Variants in HSPG2 observed in about 807,000 individuals in gnomAD.
HSPG2 encodes the protein heparan sulfate proteoglycan 2, also known as basement membrane-specific heparan sulfate proteoglycan core protein.
HSPG2 carries 278 observed loss-of-function variants against 526.6 expected under a neutral mutation model. The observed-to-expected ratio is 0.53, with a 90% CI of 0.48 to 0.58. The LOEUF (loss-of-function observed/expected upper bound fraction) is 0.58, where lower values mean the gene tolerates loss of function less well. Ranked by LOEUF, HSPG2 falls within the 20% of genes least tolerant of loss-of-function variation. HSPG2 has a pLI of 0.00. For synonymous variants in HSPG2, 2,465 were observed against 2,555.4 expected (o/e 0.96, Z 1.07); for missense variants, 5,354 against 6,099.5 (o/e 0.88, Z 4.07).
At position 21,907,282 on chromosome 1, in the gene HSPG2, C is replaced by T. The variant is rs185232685; in HGVS notation, c.64-10972G>A. On this transcript the variant is annotated intron_variant, in intron 1 of 96. Coordinates refer to ENST00000374695, the MANE Select transcript of HSPG2 (RefSeq NM_005529.7). ...GGCAGGGGCTCACTCCCAGGGCCGGCGACCATGCAGGTAAGGGGGTGCTGG... is the reference window on the plus strand; with the variant it reads ...GGCAGGGGCTCACTCCCAGGGCCGGTGACCATGCAGGTAAGGGGGTGCTGG... Among the ~76,000 whole-genome samples, 303 of 152,294 alleles carry T rather than the reference C, an allele frequency of 2.0e-3. 3 individuals are homozygous for T. In the South Asian group the frequency reaches 0.026, roughly 13 times the overall value.
chr1:21,891,930 G>A (rs1362541333), intron 3 of HSPG2, among the ~76,000 whole-genome samples: 3 of 152,148 alleles, frequency 2.0e-5, no homozygotes, highest in African/African-American at 4.8e-5. Flanking sequence ...TGCTCATTAC[G>A]TTTCACAATA....
rs1157962446 is a variant in HSPG2, at chr1:21,887,906, C to T, written c.703+32G>A. 3 of 1,613,866 alleles carry T rather than the reference C, an allele frequency of 1.9e-6. No individual in the cohort carries two copies. The highest frequency in any genetic ancestry group is 2.5e-6 in the Non-Finnish European group (3 of 1,180,014). ...AGGACCCTGGCCCTCCCCTGGCACC[C>T]AAACCACTCGTGGCCCCGGACATCC... On this transcript the variant is annotated intron_variant, in intron 7 of 96. Transcript: ENST00000374695. The surrounding 1 kb of genome is among the most constrained non-coding windows in gnomAD (Gnocchi z 5.0).
intron 1 of HSPG2, among the ~76,000 whole-genome samples, chr1:21,905,041 CG>C (rs1166762842): frequency 6.6e-6 from 1 of 152,280 alleles, no homozygotes; most frequent in East Asian, 1.9e-4. Flanking sequence ...CTAACAACCA[CG>C]GCCGCTTCCT....
At chr1:21,827,364 C>T (rs2097980861) in intron 91 of HSPG2, among the ~76,000 whole-genome samples, 1 of 152,188 alleles carries the variant, frequency 6.6e-6, no homozygotes, top group African/African-American at 2.4e-5. Context: ...AGGATTTGAA[C>T]CCAAGCAGGC....
intron 33 of HSPG2, among the ~76,000 whole-genome samples, chr1:21,869,905 C>T (rs1640517866): frequency 6.6e-6 from 1 of 152,222 alleles, no homozygotes; most frequent in Non-Finnish European, 1.5e-5. Flanking sequence ...AGAAGCCCTA[C>T]AAAGGGTGCC....
intron 68 of HSPG2, 24 bp downstream of exon 68, chr1:21,842,215 G>A (rs937936718): frequency 6.2e-7 from 1 of 1,612,978 alleles, no homozygotes; most frequent in Admixed American, 1.7e-5. Context: ...TTCCCCCCTT[G>A]CCCATGGCAT....
intron 1 of HSPG2, among the ~76,000 whole-genome samples, chr1:21,901,282 A>G (rs749654716): frequency 3.9e-5 from 6 of 152,106 alleles, no homozygotes; most frequent in African/African-American, 7.2e-5. Flanking sequence ...TAAGTGCTTA[A>G]TAAGCACTAG....
At chr1:21,838,155 A>AAG in intron 74 of HSPG2, among the ~76,000 whole-genome samples, 1 of 134,536 alleles carries the variant, frequency 7.4e-6, no homozygotes, top group African/African-American at 3.4e-5. Flanking sequence ...AAAAAAAAAA[A>AAG]AAAGAAAGAA....
At chr1:21,905,230 T>A (rs980813669) in intron 1 of HSPG2, among the ~76,000 whole-genome samples, 10 of 146,366 alleles carry the variant, frequency 6.8e-5, no homozygotes, top group Admixed American at 6.3e-4. Context: ...TTCTATGTAA[T>A]CTGTCTACAC....
Position 21,850,196 on chromosome 1 carries a change from G to T in HSPG2, c.7295-4C>A. 6.2e-7 allele frequency: 1 copy of T among 1,613,348 alleles called. No individual in the cohort carries two copies. On this transcript the variant is annotated splice_polypyrimidine_tract_variant and splice_region_variant and intron_variant, in intron 56 of 96. Coordinates refer to ENST00000374695, the MANE Select transcript of HSPG2 (RefSeq NM_005529.7). ...ACCGTGGGGGTGACCCCAAGTGCTG[G>T]GGACAGAGGGCAAAGGGTCAATAGC...
In HSPG2 at chr1:21,848,111, C is replaced by T. The variant is rs750219828; in HGVS notation, c.7738-18G>A. 1.3e-5 allele frequency: 20 copies of T among 1,567,638 alleles called. No homozygotes were observed. In the South Asian group the frequency reaches 2.2e-4, roughly 17 times the overall value. ...CCCACGATCTGCAGGAAGCAGATGGCAGGAGGTATGGCAGTAGGTGTGGGC... is the reference window on the plus strand; with the variant it reads ...CCCACGATCTGCAGGAAGCAGATGGTAGGAGGTATGGCAGTAGGTGTGGGC... On this transcript the variant is annotated intron_variant, in intron 59 of 96. Transcript: ENST00000374695. The surrounding 1 kb of genome is among the most constrained non-coding windows in gnomAD (Gnocchi z 4.9).
At position 21,842,338 on chromosome 1, in the gene HSPG2, C is replaced by G. The variant is rs1185082010; in HGVS notation, c.8953G>C (p.Asp2985His). The G allele has an allele frequency of 6.2e-7, 1 of 1,611,096 alleles. No homozygotes were observed. Among genetic ancestry groups the G allele is most frequent in the Non-Finnish European group, 8.5e-7 (1 of 1,178,536 alleles). Residue 2985 changes from aspartate (D) to histidine (H), a missense_variant, in exon 68 of 97, where the codon GAC becomes CAC. Asp to His is a moderately conservative substitution (Grantham distance 81). Transcript: ENST00000374695. ...QLRLHLVSPA[D>H]SGEYVCRAAS... is the part of the protein sequence containing the mutation. ...GCACGACACACATACTCGCCTGAGTCGGCAGGGGAGACGAGGTGGAGCCGC... is the reference window on the plus strand; with the variant it reads ...GCACGACACACATACTCGCCTGAGTGGGCAGGGGAGACGAGGTGGAGCCGC...
intron 1 of HSPG2, 117 bp from the exon 2 acceptor site, chr1:21,896,427 A>C (rs990130471): frequency 1.2e-4 from 159 of 1,288,388 alleles, no homozygotes; most frequent in Non-Finnish European, 1.5e-4. Context: ...TTAGTGGTTA[A>C]ATTTGACTTA....
intron 66 of HSPG2, 28 bp downstream of exon 66, chr1:21,843,269 G>A (rs2098057089): frequency 6.2e-7 from 1 of 1,613,508 alleles, no homozygotes. Flanking sequence ...CTGTGCTCTG[G>A]CATCGCCCAC....
At chr1:21,825,983 G>A (rs983690399) in intron 91 of HSPG2, among the ~76,000 whole-genome samples, 6 of 151,882 alleles carry the variant, frequency 4.0e-5, no homozygotes, top group Non-Finnish European at 7.4e-5. Context: ...ATGGGGTTTC[G>A]CCATGTTGGC....
In HSPG2 at chr1:21,838,973, G is replaced by T. The variant is rs145279304; in HGVS notation, c.10002C>A (p.Arg3334=). The T allele has an allele frequency of 4.3e-6, 7 of 1,612,520 alleles. No individual in the cohort carries two copies. The highest frequency in any genetic ancestry group is 5.9e-6 in the Non-Finnish European group (7 of 1,179,148). ...CCCTCCCAGGAAGGCTGCTGCCCAC[G>T]CGGCTCCACTGGAAGGTGAGTGGGG... The part of the protein sequence containing the change: ...GTPPLTFQWS[R]VGSSLPGRAT... The change falls in exon 74 of 97, where the codon CGC becomes CGA. Residue 3334 remains arginine, a synonymous_variant. Coordinates refer to ENST00000374695, the MANE Select transcript of HSPG2 (RefSeq NM_005529.7).
intron 1 of HSPG2, among the ~76,000 whole-genome samples, chr1:21,912,933 T>C (rs1643748394): frequency 1.3e-5 from 2 of 151,616 alleles, no homozygotes; most frequent in Admixed American, 1.3e-4. Flanking sequence ...TGAGCTGAGA[T>C]TGCACCACTG....
In HSPG2 at chr1:21,831,453, G is replaced by A. The variant is rs2098003607; in HGVS notation, c.11452+10C>T. ...GCCCAGCCTCAGCTGGAGGTGGGGA[G>A]GGGGCTCACCTATGAAGCCGCTGCT... On this transcript the variant is annotated intron_variant, in intron 83 of 96. Transcript: ENST00000374695. The A allele has an allele frequency of 6.2e-7, 1 of 1,612,660 alleles. No homozygotes were observed. The highest frequency in any genetic ancestry group is 1.7e-5 in the Admixed American group (1 of 59,982).
At position 21,904,964 on chromosome 1, in the gene HSPG2, G is replaced by T. The variant is rs1274269646; in HGVS notation, c.64-8654C>A. Among the ~76,000 whole-genome samples, 1 of 152,154 alleles carries T rather than the reference G, an allele frequency of 6.6e-6. No homozygotes were observed. Among genetic ancestry groups the T allele is most frequent in the Non-Finnish European group, 1.5e-5 (1 of 68,030 alleles). ...ACAGATTTCATGAATGATGCCCCTT[G>T]CACAGTGCCAGGACTATGGAAGGAT... On this transcript the variant is annotated intron_variant, in intron 1 of 96. Transcript: ENST00000374695. The surrounding 1 kb of genome is among the most constrained non-coding windows in gnomAD (Gnocchi z 4.4).
Sources: gnomAD v4.1 joint callset for allele counts (sites outside exome capture counted in the v4.1 genomes callset) on GRCh38, gnomAD v4.1.1 for gene constraint, Gnocchi (gnomAD v3.1) non-coding constraint, MANE v1.5 for transcripts, NCBI Gene and HGNC (gene_info 2026-07-23, HGNC 2026-07-21) for gene names.